Variants in CPED1 observed in about 807,000 individuals in gnomAD.
CPED1 encodes the protein cadherin like and PC-esterase domain containing 1.
CPED1 carries 114 observed loss-of-function variants against 128.2 expected under a neutral mutation model. The ratio of observed to expected loss-of-function variants is 0.89; its 90% CI spans 0.76 to 1.04. The LOEUF is 1.04. Among genes scored for constraint, CPED1 ranks in the 50% least tolerant of loss-of-function variants. The pLI is 0.00. For missense variants in CPED1, 1,211 were observed against 1,207.1 expected (o/e 1.00, Z -0.05); for synonymous variants, 462 against 426.7 (o/e 1.08, Z -1.02).
At chr7:121,154,418 T>C (rs1711565982) in intron 16 of CPED1, among the ~76,000 whole-genome samples, 1 of 152,204 alleles carries the variant, frequency 6.6e-6, no homozygotes, top group South Asian at 2.1e-4. Context: ...AGTACAATGT[T>C]AGCTGTGGGC....
At chr7:121,222,859 G>A (rs1797914232) in intron 16 of CPED1, among the ~76,000 whole-genome samples, 1 of 152,180 alleles carries the variant, frequency 6.6e-6, no homozygotes, top group African/African-American at 2.4e-5. Context: ...ATTTTGGGCT[G>A]AGACAATGGG....
intron 21 of CPED1, 79 bp from the exon 22 acceptor site, chr7:121,271,205 C>A: frequency 1.7e-6 from 2 of 1,159,388 alleles, no homozygotes; most frequent in Non-Finnish European, 1.2e-6. Flanking sequence ...AAGACATTTA[C>A]ATAATTTCCA....
intron 3 of CPED1, among the ~76,000 whole-genome samples, chr7:121,025,354 G>A (rs1253314135): frequency 6.6e-6 from 1 of 151,902 alleles, no homozygotes; most frequent in Non-Finnish European, 1.5e-5. Flanking sequence ...ACTCCTTTTT[G>A]TTAGGAAATT....
At chr7:121,053,393 T>A (rs1793409752) in intron 4 of CPED1, among the ~76,000 whole-genome samples, 1 of 152,172 alleles carries the variant, frequency 6.6e-6, no homozygotes, top group Non-Finnish European at 1.5e-5. Flanking sequence ...CAATTTGGAT[T>A]GGTCTGATGA....
intron 14 of CPED1, among the ~76,000 whole-genome samples, chr7:121,139,434 G>C (rs989164697): frequency 6.6e-6 from 1 of 151,586 alleles, no homozygotes; most frequent in Non-Finnish European, 1.5e-5. Flanking sequence ...CATAATGGGA[G>C]CTATACAGAG....
At chr7:121,164,556 A>G (rs536221431) in intron 16 of CPED1, among the ~76,000 whole-genome samples, 1 of 152,336 alleles carries the variant, frequency 6.6e-6, no homozygotes, top group South Asian at 2.1e-4. Flanking sequence ...ATGGGGCTCA[A>G]GAATTTGCAT....
intron 7 of CPED1, among the ~76,000 whole-genome samples, chr7:121,117,348 G>C (rs1795276594): frequency 6.6e-6 from 1 of 151,744 alleles, no homozygotes; most frequent in African/African-American, 2.4e-5. Flanking sequence ...TGATCCACCT[G>C]CCTCGGCCTC....
chr7:121,129,865 A>G (rs1040028834), intron 11 of CPED1, among the ~76,000 whole-genome samples: 7 of 149,750 alleles, frequency 4.7e-5, no homozygotes, highest in African/African-American at 1.7e-4. Flanking sequence ...TGTAACAGGA[A>G]AGAGAAATCC....
chr7:121,015,869 C>T, intron 3 of CPED1, 21 bp downstream of exon 3: 14 of 1,410,484 alleles, frequency 9.9e-6, no homozygotes, highest in Non-Finnish European at 1.2e-5. Flanking sequence ...TGAGAAGTAA[C>T]TGCCAAAGTC....
At position 121,124,387 on chromosome 7, in the gene CPED1, C is replaced by T. The variant is rs2116313850; in HGVS notation, c.975C>T (p.Asp325=). The T allele has an allele frequency of 1.2e-6, 2 of 1,608,660 alleles. No individual in the cohort carries two copies. The highest frequency in any genetic ancestry group is 1.7e-6 in the Non-Finnish European group (2 of 1,176,818). Residue 325 remains aspartate (D), a synonymous_variant, in exon 8 of 23, where the codon GAC becomes GAT. Transcript: ENST00000310396. ...LRASSPQQAF[D]IMKEAIGKLL... is the part of the protein sequence containing the mutation. ...CCAGTTCACCTCAACAGGCTTTTGA[C>T]ATTATGAAGGAAGCAATTGGCAAAC... is the stretch of plus-strand genomic sequence containing the variant.
chr7:121,171,911 T>C (rs1796655349), intron 16 of CPED1, among the ~76,000 whole-genome samples: 1 of 152,258 alleles, frequency 6.6e-6, no homozygotes, highest in Admixed American at 6.5e-5. Context: ...TATTTTCAAC[T>C]ATGACTTTGG....
At chr7:121,161,794 T>C (rs1796417646) in intron 16 of CPED1, among the ~76,000 whole-genome samples, 1 of 152,166 alleles carries the variant, frequency 6.6e-6, no homozygotes, top group Admixed American at 6.5e-5. Context: ...AGTGTAATGA[T>C]ACAGGACTTT....
chr7:121,031,572 G>T (rs1176210024), intron 3 of CPED1, among the ~76,000 whole-genome samples: 1 of 152,170 alleles, frequency 6.6e-6, no homozygotes, highest in Non-Finnish European at 1.5e-5. Context: ...ATGGGCATGA[G>T]CCACCACACT....
chr7:121,227,593 C>T (rs1287294788), intron 16 of CPED1, among the ~76,000 whole-genome samples: 1 of 152,038 alleles, frequency 6.6e-6, no homozygotes, highest in African/African-American at 2.4e-5. Context: ...ATTTGCTCTG[C>T]TTTTGGGAAA....
chr7:121,069,689 A>C (rs965198988), intron 5 of CPED1, among the ~76,000 whole-genome samples: 1 of 152,154 alleles, frequency 6.6e-6, no homozygotes, highest in African/African-American at 2.4e-5. Flanking sequence ...TTTGAAAAAA[A>C]AGTGTCATAC....
intron 10 of CPED1, 94 bp from the exon 11 acceptor site, chr7:121,128,288 A>G (rs921784986): frequency 2.8e-6 from 2 of 711,896 alleles, no homozygotes; most frequent in Non-Finnish European, 2.5e-6. Context: ...TATAGAACTC[A>G]AAATCTGATT....
At chr7:121,060,848 C>T (rs1793647065) in intron 4 of CPED1, among the ~76,000 whole-genome samples, 1 of 152,206 alleles carries the variant, frequency 6.6e-6, no homozygotes, top group African/African-American at 2.4e-5. Flanking sequence ...AATCTTGCTG[C>T]TGCTCACTCT....
chr7:121,193,845 G>A (rs1296997580), intron 16 of CPED1, among the ~76,000 whole-genome samples: 2 of 151,672 alleles, frequency 1.3e-5, no homozygotes, highest in Non-Finnish European at 2.9e-5. Context: ...TAAAACTCAG[G>A]TGTAAGATTA....
At chr7:121,148,526 T>G (rs1796078542) in intron 16 of CPED1, among the ~76,000 whole-genome samples, 1 of 152,174 alleles carries the variant, frequency 6.6e-6, no homozygotes, top group South Asian at 2.1e-4. Context: ...ATGAAATAGA[T>G]CATTAGTAAA....
Sources: allele counts gnomAD v4.1 joint callset (sites outside exome capture counted in the v4.1 genomes callset), GRCh38; gene constraint gnomAD v4.1.1; transcripts MANE v1.5; gene names NCBI Gene and HGNC (gene_info 2026-07-23, HGNC 2026-07-21).